PTPRA: variants seen among roughly 807,000 people sequenced by gnomAD.
The protein encoded by PTPRA is receptor-type tyrosine-protein phosphatase alpha.
A neutral mutation model predicts 104.8 loss-of-function variants in PTPRA; 25 were observed. The ratio of observed to expected loss-of-function variants is 0.24; its 90% CI spans 0.17 to 0.33. PTPRA has a LOEUF of 0.33. Among genes scored for constraint, PTPRA ranks in the 10% least tolerant of loss-of-function variants. The probability of loss-of-function intolerance (pLI) is 1.00; values close to 1 mark genes in which losing one functional copy is unlikely to be tolerated. For missense variants in PTPRA, 765 were observed against 1,015.3 expected (o/e 0.75, Z 3.35); for synonymous variants, 323 against 368.9 (o/e 0.88, Z 1.43).
chr20:2,953,752 C>T (rs6138963), intron 3 of PTPRA, among the ~76,000 whole-genome samples: 51,715 of 150,834 alleles, frequency 0.34, 10,173 homozygotes, highest in East Asian at 0.66. Context: ...GGACTACAGG[C>T]GCCCGCCACC....
intron 6 of PTPRA, among the ~76,000 whole-genome samples, chr20:2,979,315 G>A (rs976233859): frequency 6.6e-5 from 10 of 152,098 alleles, no homozygotes; most frequent in African/African-American, 2.4e-4. Flanking sequence ...GAACTTTCTT[G>A]TATTACTTCT....
intron 3 of PTPRA, among the ~76,000 whole-genome samples, chr20:2,952,031 A>G (rs968797943): frequency 2.6e-5 from 4 of 152,024 alleles, no homozygotes; most frequent in Admixed American, 2.0e-4. Context: ...TGAGGCAGGG[A>G]ATCTCTTGAA....
chr20:2,887,811 G>T lies in PTPRA; in HGVS notation c.-129+14051G>T, dbSNP rs142113521. On this transcript the variant is annotated intron_variant, in intron 1 of 23. Coordinates refer to ENST00000399903, the MANE Select transcript of PTPRA (RefSeq NM_001385305.1). ...GTGGGATAGTTCCAGGACTTTCACT[G>T]TCTAAAAGGAACTGGAGGCCCAAGC... 3.2e-3 allele frequency among the ~76,000 whole-genome samples: 485 copies of T among 152,290 alleles called. 4 individuals carry two copies. Among genetic ancestry groups the T allele is most frequent in the African/African-American group, 0.011 (464 of 41,554 alleles).
At position 3,038,249 on chromosome 20, in the gene PTPRA, A is replaced by G; in HGVS notation, c.*116A>G. ...TTATAACTGTTTTAGAAATTGGTAC[A>G]TAGGCTTCTATTACCTATTAGGTGG... On this transcript the variant is annotated 3_prime_UTR_variant, in exon 24 of 24. Transcript: ENST00000399903. 2 of 951,510 alleles carry G rather than the reference A, an allele frequency of 2.1e-6. No individual in the cohort carries two copies. Among genetic ancestry groups the G allele is most frequent in the Non-Finnish European group, 3.2e-6 (2 of 628,010 alleles). 58.9% of individuals were successfully genotyped at this position (951,510 alleles called of 1,614,324 possible). A position where few individuals can be genotyped will look rare whatever the true frequency, so the allele number is the denominator to read the frequency against.
At chr20:2,963,752 TTAGGGAC>T (rs1362597231) in intron 3 of PTPRA, among the ~76,000 whole-genome samples, 1 of 152,020 alleles carries the variant, frequency 6.6e-6, no homozygotes, top group African/African-American at 2.4e-5. Flanking sequence ...AAAATTTGGA[TTAGGGAC>T]TAGGTGTGGG....
At chr20:2,995,588 C>G (rs1352872848) in intron 9 of PTPRA, among the ~76,000 whole-genome samples, 4 of 152,030 alleles carry the variant, frequency 2.6e-5, no homozygotes, top group Non-Finnish European at 4.4e-5. Context: ...TTCTTTGGGT[C>G]CTCTCTTTTA....
At chr20:3,036,026 G>A in intron 22 of PTPRA, 85 bp downstream of exon 22, 8 of 1,590,616 alleles carry the variant, frequency 5.0e-6, no homozygotes, top group African/African-American at 1.3e-5. Context: ...TCAGACTGAA[G>A]AAAGCCATAC....
chr20:2,884,756 C>A (rs531449122), intron 1 of PTPRA, among the ~76,000 whole-genome samples: 1 of 150,976 alleles, frequency 6.6e-6, no homozygotes, highest in East Asian at 1.9e-4. Context: ...TTGGGTAGAT[C>A]TAGGAGTGGA....
chr20:2,907,351 C>T (rs2147167831), intron 1 of PTPRA, among the ~76,000 whole-genome samples: 1 of 152,028 alleles, frequency 6.6e-6, no homozygotes, highest in Non-Finnish European at 1.5e-5. Context: ...TACAGCTCAG[C>T]CGTCAAACTG....
rs370333209 is a variant in PTPRA at position 2,975,306 on chromosome 20, T to A, written c.442+65T>A. The stretch of plus-strand genomic sequence containing the variant: ...GTGTACAGTATTCATTTATTTCCTC[T>A]GCTCACAGTCTGTGGTAACCGTGTG... On this transcript the variant is annotated intron_variant, in intron 6 of 23. Coordinates refer to ENST00000399903, the MANE Select transcript of PTPRA (RefSeq NM_001385305.1). 5.9e-5 allele frequency: 83 copies of A among 1,398,012 alleles called. 1 individual carries two copies. The African/African-American group carries it at 1.1e-3, about 18-fold the overall frequency. 86.6% of individuals were successfully genotyped at this position (1,398,012 alleles called of 1,614,324 possible).
chr20:2,977,860 C>T (rs112513106), intron 6 of PTPRA, among the ~76,000 whole-genome samples: 2 of 151,656 alleles, frequency 1.3e-5, no homozygotes, highest in Non-Finnish European at 2.9e-5. Flanking sequence ...CATCAGGAAC[C>T]GAAGTCTACT....
chr20:3,033,272 A>G (rs1487433591), intron 20 of PTPRA, among the ~76,000 whole-genome samples: 1 of 151,902 alleles, frequency 6.6e-6, no homozygotes, highest in Non-Finnish European at 1.5e-5. Flanking sequence ...AGCCATCTAA[A>G]TAAATAGTAC....
At position 2,986,862 on chromosome 20, in the gene PTPRA, A is replaced by G; in HGVS notation, c.527+13A>G. 3 of 1,579,530 alleles carry G rather than the reference A, an allele frequency of 1.9e-6. No individual in the cohort carries two copies. The highest frequency in any genetic ancestry group is 1.7e-4 in the Middle Eastern group (1 of 6,000). ...TGTACATGTTAAGGTGAGCCTACTA[A>G]CACTTCACATTCTCTTAGATTCTGT... On this transcript the variant is annotated intron_variant, in intron 7 of 23. Transcript: ENST00000399903.
At chr20:2,967,032 A>G (rs1194463584) in intron 5 of PTPRA, among the ~76,000 whole-genome samples, 2 of 152,228 alleles carry the variant, frequency 1.3e-5, no homozygotes, top group African/African-American at 4.8e-5. Context: ...ACTGTCTTTC[A>G]TTTAACAGTT....
chr20:3,038,256 T>C lies in PTPRA; in HGVS notation c.*123T>C, dbSNP rs1234413429. 1 of 882,848 alleles carries C rather than the reference T, an allele frequency of 1.1e-6. No individual in the cohort carries two copies. The highest frequency in any genetic ancestry group is 1.7e-6 in the Non-Finnish European group (1 of 572,368). 54.7% of individuals were successfully genotyped at this position (882,848 alleles called of 1,614,324 possible). On this transcript the variant is annotated 3_prime_UTR_variant, in exon 24 of 24. Coordinates refer to ENST00000399903, the MANE Select transcript of PTPRA (RefSeq NM_001385305.1). ...TGTTTTAGAAATTGGTACATAGGCT[T>C]CTATTACCTATTAGGTGGAAATTTT...
rs1459384398 is a variant in PTPRA at position 3,010,632 on chromosome 20, AAAAT to A, written c.906+3224_906+3227del. Among the ~76,000 whole-genome samples, 11 of 152,210 alleles carry A rather than the reference AAAAT, an allele frequency of 7.2e-5. No individual in the cohort carries two copies. In the East Asian group the frequency reaches 1.7e-3, roughly 24 times the overall value. ...GACAGAGCGAGACTCTGTCTCAAAA[AAAAT>A]AAATAAATAAAAAATAAAAAAAATA... is the stretch of plus-strand genomic sequence containing the variant. On this transcript the variant is annotated intron_variant, in intron 11 of 23. Transcript: ENST00000399903.
chr20:2,995,983 T>C (rs1476011844), intron 9 of PTPRA, among the ~76,000 whole-genome samples: 6 of 152,188 alleles, frequency 3.9e-5, no homozygotes, highest in Non-Finnish European at 8.8e-5. Context: ...AGCAGCTTGC[T>C]CTTTCCCATC....
chr20:2,887,427 A>G (rs1378935473), intron 1 of PTPRA, among the ~76,000 whole-genome samples: 3 of 152,194 alleles, frequency 2.0e-5, no homozygotes, highest in Non-Finnish European at 4.4e-5. Context: ...AAATGTGGCC[A>G]GTGATGATGG....
intron 11 of PTPRA, among the ~76,000 whole-genome samples, chr20:3,015,285 TTTTC>T (rs1052725845): frequency 7.2e-5 from 11 of 151,778 alleles, no homozygotes; most frequent in Non-Finnish European, 7.4e-5. Context: ...TGGATTTCTT[TTTTC>T]TTTCTTTCTT....
Sources: gnomAD v4.1 joint callset for allele counts (sites outside exome capture counted in the v4.1 genomes callset) on GRCh38, gnomAD v4.1.1 for gene constraint, MANE v1.5 for transcripts, NCBI Gene and HGNC (gene_info 2026-07-23, HGNC 2026-07-21) for gene names.